The following ADGRV1 variants were observed in gnomAD, a reference collection of about 807,000 sequenced individuals.
ADGRV1 encodes adhesion G protein-coupled receptor V1.
In ADGRV1, 359 loss-of-function variants were observed where a neutral mutation model predicts 596.2. That is an observed-to-expected ratio of 0.60 (90% confidence interval 0.55 to 0.66). The LOEUF (loss-of-function observed/expected upper bound fraction) is 0.66, where lower values mean the gene tolerates loss of function less well. Among genes scored for constraint, ADGRV1 ranks in the 30% least tolerant of loss-of-function variants. The pLI is 0.00. For synonymous variants in ADGRV1, 2,681 were observed against 2,679.2 expected (o/e 1.00, Z -0.02); for missense variants, 7,274 against 7,575.6 (o/e 0.96, Z 1.48).
At chr5:90,726,913 T>G (rs1195717197) in intron 48 of ADGRV1, among the ~76,000 whole-genome samples, 1 of 152,198 alleles carries the variant, frequency 6.6e-6, no homozygotes, top group African/African-American at 2.4e-5. Flanking sequence ...AACTGCCTAT[T>G]GACATGTTCA....
intron 86 of ADGRV1, among the ~76,000 whole-genome samples, chr5:91,085,915 A>G (rs1789831402): frequency 6.6e-6 from 1 of 152,174 alleles, no homozygotes; most frequent in Non-Finnish European, 1.5e-5. Context: ...CCTTGTGTTC[A>G]CAGTTAAGCC....
At chr5:90,990,236 G>C (rs1046264250) in intron 85 of ADGRV1, among the ~76,000 whole-genome samples, 1 of 152,106 alleles carries the variant, frequency 6.6e-6, no homozygotes, top group Non-Finnish European at 1.5e-5. Context: ...TATCAACTTA[G>C]TAAAGTATCT....
intron 83 of ADGRV1, among the ~76,000 whole-genome samples, chr5:90,908,819 A>G (rs1267127984): frequency 6.6e-6 from 1 of 152,244 alleles, no homozygotes; most frequent in Non-Finnish European, 1.5e-5. Flanking sequence ...ATCTCTTTGG[A>G]GGAAACTCAT....
chr5:90,841,006 G>T, intron 78 of ADGRV1, 21 bp downstream of exon 78: 1 of 1,404,322 alleles, frequency 7.1e-7, no homozygotes. Flanking sequence ...GTGAATATTA[G>T]TAATTTGTTT....
At chr5:90,838,123 T>C (rs1246439150) in intron 77 of ADGRV1, among the ~76,000 whole-genome samples, 1 of 152,226 alleles carries the variant, frequency 6.6e-6, no homozygotes, top group African/African-American at 2.4e-5. Flanking sequence ...AACTGTTATA[T>C]AGTATTTCAG....
intron 87 of ADGRV1, among the ~76,000 whole-genome samples, chr5:91,105,987 A>C (rs1791836751): frequency 6.6e-6 from 1 of 151,072 alleles, no homozygotes; most frequent in Non-Finnish European, 1.5e-5. Context: ...TTTTATTTAT[A>C]TTTAATATCC....
At chr5:90,836,345 G>T (rs1204512215) in intron 77 of ADGRV1, among the ~76,000 whole-genome samples, 1 of 151,932 alleles carries the variant, frequency 6.6e-6, no homozygotes, top group Non-Finnish European at 1.5e-5. Flanking sequence ...TCCTTCAATG[G>T]GTGAATAGTT....
chr5:90,805,075 AAAG>A, intron 71 of ADGRV1: 5 of 373,546 alleles, frequency 1.3e-5, no homozygotes, highest in Non-Finnish European at 2.4e-5. Context: ...TTGATTAAAA[AAAG>A]AAAAAGCTAT....
intron 25 of ADGRV1, among the ~76,000 whole-genome samples, chr5:90,676,435 T>C (rs1744232900): frequency 6.6e-6 from 1 of 152,220 alleles, no homozygotes; most frequent in Non-Finnish European, 1.5e-5. Flanking sequence ...CATTTTTGAT[T>C]GATAATCCCT....
At chr5:91,027,555 G>C (rs185183257) in intron 85 of ADGRV1, among the ~76,000 whole-genome samples, 5 of 152,284 alleles carry the variant, frequency 3.3e-5, no homozygotes, top group African/African-American at 1.2e-4. Flanking sequence ...CAGTCACTGA[G>C]GAGATGGCTC....
chr5:90,617,332 CAG>C (rs1207911069), intron 2 of ADGRV1: 1 of 149,242 alleles, frequency 6.7e-6, no homozygotes, highest in Non-Finnish European at 1.5e-5. Context: ...TTTTTTGAGG[CAG>C]AGTCTTGCAC....
intron 85 of ADGRV1, among the ~76,000 whole-genome samples, chr5:91,051,646 A>G (rs1442822097): frequency 6.9e-6 from 1 of 145,680 alleles, no homozygotes; most frequent in African/African-American, 2.6e-5. Context: ...TGCCGGGTTC[A>G]TGCCATTCTC....
chr5:90,749,614 A>G (rs1241685439), intron 52 of ADGRV1, among the ~76,000 whole-genome samples: 1 of 152,192 alleles, frequency 6.6e-6, no homozygotes, highest in Non-Finnish European at 1.5e-5. Flanking sequence ...ATCTCTTTTC[A>G]GGTTATCATA....
Position 90,686,821 on chromosome 5 carries a change from A to G in ADGRV1, c.6490+826A>G, listed in dbSNP as rs1745720995. Reference sequence around the variant, plus strand: ...TTCCACAATGGTTGAACTAGTTTACAGTCCCACCAACAGTGTAAAAGTGTT... The same window carrying G: ...TTCCACAATGGTTGAACTAGTTTACGGTCCCACCAACAGTGTAAAAGTGTT... On this transcript the variant is annotated intron_variant, in intron 29 of 89. Coordinates refer to ENST00000405460, the MANE Select transcript of ADGRV1 (RefSeq NM_032119.4). Among the ~76,000 whole-genome samples the G allele has an allele frequency of 4.6e-5, 7 of 152,248 alleles. No individual in the cohort carries two copies. In the South Asian group the frequency reaches 1.4e-3, roughly 31 times the overall value.
intron 85 of ADGRV1, among the ~76,000 whole-genome samples, chr5:91,033,984 CTTAT>C (rs1393212955): frequency 6.6e-6 from 1 of 152,054 alleles, no homozygotes; most frequent in East Asian, 1.9e-4. Flanking sequence ...TTCTTTTTCT[CTTAT>C]TTAAAGTCAC....
intron 85 of ADGRV1, among the ~76,000 whole-genome samples, chr5:91,037,132 A>G (rs918754436): frequency 1.3e-5 from 2 of 152,300 alleles, no homozygotes; most frequent in South Asian, 2.1e-4. Context: ...AGGCAACACA[A>G]AGGAGCCCAG....
At chr5:91,020,586 C>T (rs550614583) in intron 85 of ADGRV1, among the ~76,000 whole-genome samples, 2 of 151,946 alleles carry the variant, frequency 1.3e-5, no homozygotes, top group African/African-American at 4.8e-5. Context: ...TTCAATCACG[C>T]CATTGCCTGG....
intron 1 of ADGRV1, among the ~76,000 whole-genome samples, chr5:90,613,375 C>A (rs1052660392): frequency 7.2e-5 from 11 of 152,234 alleles, no homozygotes; most frequent in African/African-American, 2.2e-4. Context: ...AAAAGACCTT[C>A]ACCTGGCTTT....
rs372902694 is a variant in ADGRV1 at position 90,704,484 on chromosome 5, A to T, written c.8382A>T (p.Thr2794=). 6.5e-7 allele frequency: 1 copy of T among 1,528,252 alleles called. No individual in the cohort carries two copies. The allele number at this position is 1,528,252 out of a possible 1,614,324, so 94.7% of individuals were successfully genotyped here. A position where few individuals can be genotyped will look rare whatever the true frequency, so the allele number is the denominator to read the frequency against. Residue 2794 remains threonine (T), a synonymous_variant, in exon 36 of 90, where the codon ACA becomes ACT. Coordinates refer to ENST00000405460, the MANE Select transcript of ADGRV1 (RefSeq NM_032119.4). ...VYQVILYDVR[T]QGVPPAGIAL... Reference sequence around the variant, plus strand: ...AAGTCATTCTGTATGATGTCAGGACACAAGGTAATTCAGAATTTAATTTTA... The same window carrying T: ...AAGTCATTCTGTATGATGTCAGGACTCAAGGTAATTCAGAATTTAATTTTA...
Sources: allele counts gnomAD v4.1 joint callset (sites outside exome capture counted in the v4.1 genomes callset), GRCh38; gene constraint gnomAD v4.1.1; transcripts MANE v1.5; gene names NCBI Gene and HGNC (gene_info 2026-07-23, HGNC 2026-07-21).